TMEM108: variants seen among roughly 807,000 people sequenced by gnomAD.
TMEM108 encodes cancer/testis antigen 124.
In TMEM108, 12 loss-of-function variants were observed where a neutral mutation model predicts 35.1. That is an observed-to-expected ratio of 0.34 (90% confidence interval 0.22 to 0.55). The LOEUF (loss-of-function observed/expected upper bound fraction) is 0.55. TMEM108 is among the 20% of genes least tolerant of loss of function. The probability of loss-of-function intolerance (pLI) is 0.89; values close to 1 mark genes in which losing one functional copy is unlikely to be tolerated. For synonymous variants in TMEM108, 287 were observed against 308.6 expected (o/e 0.93, Z 0.73); for missense variants, 680 against 753.3 (o/e 0.90, Z 1.14).
At chr3:133,347,014 C>T (rs183352457) in intron 3 of TMEM108, among the ~76,000 whole-genome samples, 8 of 152,216 alleles carry the variant, frequency 5.3e-5, no homozygotes, top group Non-Finnish European at 4.4e-5. Context: ...GTTCTTTCAT[C>T]AGTATTACAC....
At chr3:133,359,449 A>G (rs1409504008) in intron 3 of TMEM108, among the ~76,000 whole-genome samples, 1 of 152,184 alleles carries the variant, frequency 6.6e-6, no homozygotes, top group East Asian at 1.9e-4. Context: ...ACAATAGCCA[A>G]GATACATTGT....
chr3:133,281,018 T>C (rs575424250), intron 3 of TMEM108, among the ~76,000 whole-genome samples: 1 of 152,358 alleles, frequency 6.6e-6, no homozygotes, highest in Non-Finnish European at 1.5e-5. Context: ...AAGGCAAGCC[T>C]ATATTCAAGG....
chr3:133,242,199 A>G (rs1946323820), intron 3 of TMEM108, among the ~76,000 whole-genome samples: 1 of 152,152 alleles, frequency 6.6e-6, no homozygotes, highest in South Asian at 2.1e-4. Flanking sequence ...TCCCAGTAAG[A>G]TCATATTCAG....
chr3:133,181,999 GC>G (rs1489393686), intron 2 of TMEM108, among the ~76,000 whole-genome samples: 1 of 152,168 alleles, frequency 6.6e-6, no homozygotes, highest in African/African-American at 2.4e-5. Flanking sequence ...GCCAAAATGG[GC>G]CTTTGGCAAT....
Position 133,118,362 on chromosome 3 carries a change from G to GA in TMEM108, c.-47+72348dup, listed in dbSNP as rs537502216. On this transcript the variant is annotated intron_variant, in intron 2 of 5. Coordinates refer to ENST00000321871, the MANE Select transcript of TMEM108 (RefSeq NM_023943.4). Reference sequence around the variant, plus strand: ...ATCAGATTTTTGCCATGTGTTCATTGAAAAAATAATCTCCTTCATGTTAAT... The same window carrying GA: ...ATCAGATTTTTGCCATGTGTTCATTGAAAAAAATAATCTCCTTCATGTTAAT... Among the ~76,000 whole-genome samples the GA allele has an allele frequency of 9.7e-4, 147 of 152,062 alleles. 2 individuals carry two copies. In the South Asian group the frequency reaches 0.028, roughly 29 times the overall value.
intron 2 of TMEM108, among the ~76,000 whole-genome samples, chr3:133,217,445 T>C (rs1200768640): frequency 6.6e-6 from 1 of 152,076 alleles, no homozygotes; most frequent in Non-Finnish European, 1.5e-5. Flanking sequence ...ATCTGATTTG[T>C]TTATTTTTGC....
At chr3:133,393,508 C>T (rs536554307) in intron 5 of TMEM108, among the ~76,000 whole-genome samples, 8 of 152,288 alleles carry the variant, frequency 5.3e-5, no homozygotes, top group Admixed American at 3.9e-4. Flanking sequence ...TGTTGTTCAC[C>T]ACAATTTACC....
chr3:133,184,306 T>A (rs1347067480), intron 2 of TMEM108, among the ~76,000 whole-genome samples: 1 of 152,246 alleles, frequency 6.6e-6, no homozygotes, highest in Admixed American at 6.5e-5. Flanking sequence ...TTTAATTTAA[T>A]GTAAATGTAC....
rs563322621 is a variant in TMEM108, at chr3:133,352,861, C to T, written c.41-26891C>T. Among the ~76,000 whole-genome samples, 24 of 152,216 alleles carry T rather than the reference C, an allele frequency of 1.6e-4. No individual in the cohort carries two copies. In the East Asian group the frequency reaches 4.3e-3, roughly 27 times the overall value. On this transcript the variant is annotated intron_variant, in intron 3 of 5. Transcript: ENST00000321871. ...TAGGCATGCTTGGTTAAATCACTGG[C>T]CATTAGCAATGAACTCAACTTCTAA...
At chr3:133,094,523 T>C (rs1943989134) in intron 2 of TMEM108, among the ~76,000 whole-genome samples, 1 of 152,186 alleles carries the variant, frequency 6.6e-6, no homozygotes, top group African/African-American at 2.4e-5. Flanking sequence ...AAACAAGACA[T>C]GCTGTTTGTT....
chr3:133,094,508 C>T (rs999577694), intron 2 of TMEM108, among the ~76,000 whole-genome samples: 2 of 152,084 alleles, frequency 1.3e-5, no homozygotes, highest in Admixed American at 6.5e-5. Flanking sequence ...CCAGGCATAC[C>T]GATAAAACAA....
intron 2 of TMEM108, among the ~76,000 whole-genome samples, chr3:133,174,681 CA>C (rs1239386931): frequency 6.6e-6 from 1 of 152,166 alleles, no homozygotes; most frequent in African/African-American, 2.4e-5. Flanking sequence ...ATCAGTACAT[CA>C]CCATCATCAA....
chr3:133,380,677 CGGT>C lies in TMEM108; in HGVS notation c.968_970del (p.Gly323del). The stretch of plus-strand genomic sequence containing the variant: ...CAGTGCCTTCTCAGCGCCCCCACCA[CGGT>C]GACCCACAGGATGGCCCCAGCCATA... On this transcript the variant is annotated inframe_deletion, in exon 4 of 6. Transcript: ENST00000321871. This position sits in a 1 kb window ranked among gnomAD's most constrained non-coding sequence, Gnocchi z 5.3. 6.2e-7 allele frequency: 1 copy of C among 1,614,152 alleles called. No homozygotes were observed. The highest frequency in any genetic ancestry group is 2.2e-5 in the East Asian group (1 of 44,882).
chr3:133,274,229 C>G (rs1217821658), intron 3 of TMEM108, among the ~76,000 whole-genome samples: 1 of 152,228 alleles, frequency 6.6e-6, no homozygotes, highest in Non-Finnish European at 1.5e-5. Flanking sequence ...ATGCTGAGGA[C>G]AAGCCTTCTG....
rs536673308 is a variant in TMEM108 at position 133,195,858 on chromosome 3, G to A, written c.-46-33408G>A. Among the ~76,000 whole-genome samples the A allele has an allele frequency of 2.6e-5, 4 of 152,276 alleles. No individual in the cohort carries two copies. The East Asian group carries it at 5.8e-4, about 22-fold the overall frequency. On this transcript the variant is annotated intron_variant, in intron 2 of 5. Coordinates refer to ENST00000321871, the MANE Select transcript of TMEM108 (RefSeq NM_023943.4). Reference sequence around the variant, plus strand: ...CAAACAGTACATGACAAACCTATACGTGGTGAGCACACCTATTTTGCTGTG... The same window carrying A: ...CAAACAGTACATGACAAACCTATACATGGTGAGCACACCTATTTTGCTGTG...
intron 2 of TMEM108, among the ~76,000 whole-genome samples, chr3:133,118,131 G>A (rs1576327613): frequency 6.6e-6 from 1 of 152,090 alleles, no homozygotes; most frequent in Non-Finnish European, 1.5e-5. Context: ...TGATTTCTAG[G>A]AGTTGGTAAA....
At chr3:133,377,926 GT>G (rs1364134888) in intron 3 of TMEM108, among the ~76,000 whole-genome samples, 5 of 152,222 alleles carry the variant, frequency 3.3e-5, no homozygotes, top group Non-Finnish European at 7.3e-5. Context: ...GATGGATCTG[GT>G]TGCGTGCTCC....
intron 3 of TMEM108, among the ~76,000 whole-genome samples, chr3:133,373,788 C>G (rs115702973): frequency 0.01 from 1,590 of 152,304 alleles, 34 homozygotes; most frequent in African/African-American, 0.036. Context: ...CCCAAGTGTT[C>G]CAGTTACCTA....
chr3:133,372,104 A>G (rs2072693713), intron 3 of TMEM108, among the ~76,000 whole-genome samples: 2 of 152,358 alleles, frequency 1.3e-5, no homozygotes, highest in East Asian at 3.9e-4. Context: ...AAAGCTGAAG[A>G]TTAAAGGCAG....
Sources: gnomAD v4.1 joint callset for allele counts (sites outside exome capture counted in the v4.1 genomes callset) on GRCh38, gnomAD v4.1.1 for gene constraint, Gnocchi (gnomAD v3.1) non-coding constraint, MANE v1.5 for transcripts, NCBI Gene and HGNC (gene_info 2026-07-23, HGNC 2026-07-21) for gene names.